The following LRMDA variants were observed in gnomAD, a reference collection of about 807,000 sequenced individuals.
The protein encoded by LRMDA is leucine-rich melanocyte differentiation-associated protein.
Under a neutral mutation model 29.8 loss-of-function variants are expected in LRMDA, and 18 were observed. The observed-to-expected ratio is 0.60, with a 90% CI of 0.42 to 0.90. The LOEUF (loss-of-function observed/expected upper bound fraction) is 0.90, where lower values mean the gene tolerates loss of function less well. LRMDA is among the 40% of genes least tolerant of loss of function. The probability of loss-of-function intolerance (pLI) is 0.00; values close to 1 mark genes in which losing one functional copy is unlikely to be tolerated. For synonymous variants in LRMDA, 125 were observed against 109.4 expected (o/e 1.14, Z -0.89); for missense variants, 273 against 273.9 (o/e 1.00, Z 0.02).
intron 5 of LRMDA, among the ~76,000 whole-genome samples, chr10:76,116,876 G>A (rs1225925211): frequency 6.6e-6 from 1 of 152,028 alleles, no homozygotes; most frequent in Non-Finnish European, 1.5e-5. Context: ...AGTCATTCCC[G>A]GGCTCTAATG....
At chr10:75,710,880 T>C (rs1842427510) in intron 2 of LRMDA, among the ~76,000 whole-genome samples, 1 of 152,258 alleles carries the variant, frequency 6.6e-6, no homozygotes, top group South Asian at 2.1e-4. Context: ...GACGCTGTGA[T>C]TGATTTCTGA....
At position 75,565,221 on chromosome 10, in the gene LRMDA, G is replaced by T. The variant is rs199840992; in HGVS notation, c.131+126727G>T. On this transcript the variant is annotated intron_variant, in intron 2 of 6. Coordinates refer to ENST00000611255, the MANE Select transcript of LRMDA (RefSeq NM_001305581.2). ...CAGGTCGGAGGTTCTTTGTGGGTTT[G>T]GGGGAATGGTTTTGTTTCCTAGGTT... is the stretch of plus-strand genomic sequence containing the variant. 1.1e-4 allele frequency among the ~76,000 whole-genome samples: 17 copies of T among 152,296 alleles called. No homozygotes were observed. The East Asian group carries it at 3.1e-3, about 28-fold the overall frequency.
At chr10:75,747,807 C>T (rs1304137047) in intron 2 of LRMDA, among the ~76,000 whole-genome samples, 1 of 151,468 alleles carries the variant, frequency 6.6e-6, no homozygotes, top group Non-Finnish European at 1.5e-5. Flanking sequence ...GGTAGGTTTT[C>T]AGAGTCCCAA....
chr10:75,485,249 T>A (rs1361764974), intron 2 of LRMDA, among the ~76,000 whole-genome samples: 1 of 152,184 alleles, frequency 6.6e-6, no homozygotes, highest in Admixed American at 6.5e-5. Context: ...AGAAAAAACA[T>A]CTTTTTGATG....
chr10:75,941,222 C>T (rs1315630380), intron 2 of LRMDA, among the ~76,000 whole-genome samples: 2 of 152,184 alleles, frequency 1.3e-5, no homozygotes, highest in Non-Finnish European at 2.9e-5. Flanking sequence ...ACTCCACAGG[C>T]CAGCTCCTGC....
At chr10:75,440,713 T>C (rs982971860) in intron 2 of LRMDA, among the ~76,000 whole-genome samples, 17 of 152,164 alleles carry the variant, frequency 1.1e-4, no homozygotes, top group Non-Finnish European at 2.9e-5. Flanking sequence ...TAAGATGTTT[T>C]AGATGCTTAG....
chr10:76,264,353 G>A (rs1839978250), intron 5 of LRMDA, among the ~76,000 whole-genome samples: 1 of 126,268 alleles, frequency 7.9e-6, no homozygotes, highest in South Asian at 2.8e-4. Flanking sequence ...GTTGCAGTGA[G>A]CTGAGATTGT....
intron 2 of LRMDA, among the ~76,000 whole-genome samples, chr10:75,612,072 T>C (rs537942225): frequency 7.2e-5 from 11 of 152,326 alleles, no homozygotes; most frequent in African/African-American, 2.6e-4. Context: ...TAGAACAATA[T>C]AACTCATTCA....
chr10:76,270,682 C>G (rs946113057), intron 5 of LRMDA: 1 of 152,262 alleles, frequency 6.6e-6, no homozygotes, highest in Admixed American at 6.5e-5. Flanking sequence ...GTGATGCAAT[C>G]CAATGCTTCT....
rs374024330 is a variant in LRMDA at position 75,884,992 on chromosome 10, G to T, written c.132-151016G>T. Among the ~76,000 whole-genome samples, 149 of 151,782 alleles carry T rather than the reference G, an allele frequency of 9.8e-4. 3 individuals carry two copies. The South Asian group carries it at 0.026, about 26-fold the overall frequency. ...GACAGCAGTTCAGGAGGCCCAGGGAGCACTGCAGTTCAGGAGGCCTGGGGA... is the reference window on the plus strand; with the variant it reads ...GACAGCAGTTCAGGAGGCCCAGGGATCACTGCAGTTCAGGAGGCCTGGGGA... On this transcript the variant is annotated intron_variant, in intron 2 of 6. Coordinates refer to ENST00000611255, the MANE Select transcript of LRMDA (RefSeq NM_001305581.2).
intron 2 of LRMDA, among the ~76,000 whole-genome samples, chr10:75,573,520 G>A (rs1255984311): frequency 6.6e-6 from 1 of 151,452 alleles, no homozygotes; most frequent in Non-Finnish European, 1.5e-5. Context: ...ATTTTTTTCA[G>A]TTTTAGCCTA....
At chr10:76,051,563 C>T (rs150401513) in intron 4 of LRMDA, among the ~76,000 whole-genome samples, 9 of 152,246 alleles carry the variant, frequency 5.9e-5, no homozygotes, top group Admixed American at 3.3e-4. Flanking sequence ...TTCTCACAGT[C>T]GTCATTTACT....
intron 2 of LRMDA, among the ~76,000 whole-genome samples, chr10:75,788,856 A>T (rs1179431041): frequency 6.6e-6 from 1 of 152,252 alleles, no homozygotes; most frequent in Non-Finnish European, 1.5e-5. Context: ...CACAGACTGG[A>T]TCTGCTTCCC....
chr10:76,418,339 T>A (rs996235762), intron 6 of LRMDA, among the ~76,000 whole-genome samples: 7 of 152,054 alleles, frequency 4.6e-5, no homozygotes, highest in African/African-American at 1.4e-4. Flanking sequence ...TGTGTGTGTG[T>A]GTGTGTGTGT....
Position 75,578,258 on chromosome 10 carries a change from T to C in LRMDA, c.131+139764T>C, listed in dbSNP as rs959957179. ...AAAAAAAGCAGCAGTTGCAATTGAG[T>C]CTCTGATAAAACAGACTTTAAACCA... On this transcript the variant is annotated intron_variant, in intron 2 of 6. Coordinates refer to ENST00000611255, the MANE Select transcript of LRMDA (RefSeq NM_001305581.2). Among the ~76,000 whole-genome samples the C allele has an allele frequency of 3.3e-5, 4 of 120,580 alleles. No individual in the cohort carries two copies. The Admixed American group carries it at 3.8e-4, about 12-fold the overall frequency. The allele number at this position is 120,580 out of a possible 152,430, so 79.1% of individuals were successfully genotyped here. A position where few individuals can be genotyped will look rare whatever the true frequency, so the allele number is the denominator to read the frequency against.
intron 2 of LRMDA, among the ~76,000 whole-genome samples, chr10:75,603,873 C>A (rs532512926): frequency 6.6e-6 from 1 of 152,250 alleles, no homozygotes; most frequent in African/African-American, 2.4e-5. Context: ...TACTGTGTCA[C>A]CAGTACTGCG....
At chr10:75,940,483 A>G (rs1056910628) in intron 2 of LRMDA, among the ~76,000 whole-genome samples, 11 of 152,050 alleles carry the variant, frequency 7.2e-5, no homozygotes, top group African/African-American at 2.4e-4. Flanking sequence ...CCTTCCACGA[A>G]GCCATTCTGG....
intron 6 of LRMDA, among the ~76,000 whole-genome samples, chr10:76,526,976 T>G: frequency 1.4e-5 from 1 of 71,534 alleles, no homozygotes; most frequent in African/African-American, 5.8e-5. Context: ...TAAAGTATAA[T>G]AAAATAAATA....
chr10:76,342,299 A>C (rs1182136213), intron 6 of LRMDA, among the ~76,000 whole-genome samples: 1 of 152,208 alleles, frequency 6.6e-6, no homozygotes, highest in Non-Finnish European at 1.5e-5. Context: ...AAAAGATAAC[A>C]TATAAGCCTA....
Sources: allele counts gnomAD v4.1 joint callset (sites outside exome capture counted in the v4.1 genomes callset), GRCh38; gene constraint gnomAD v4.1.1; transcripts MANE v1.5; gene names NCBI Gene and HGNC (gene_info 2026-07-23, HGNC 2026-07-21).